The following ATRN variants were observed in gnomAD, a reference collection of about 807,000 sequenced individuals.
ATRN encodes the protein attractin, also known as attractin-2.
Under a neutral mutation model 178.7 loss-of-function variants are expected in ATRN, and 54 were observed. The observed-to-expected ratio is 0.30, with a 90% CI of 0.24 to 0.38. ATRN has a LOEUF of 0.38. ATRN is among the 10% of genes least tolerant of loss of function. The probability of loss-of-function intolerance (pLI) is 1.00; values close to 1 mark genes in which losing one functional copy is unlikely to be tolerated. For synonymous variants in ATRN, 636 were observed against 663.0 expected, an observed-to-expected ratio of 0.96 and a Z score of 0.63; for missense variants, 1,443 against 1,815.1, an observed-to-expected ratio of 0.79 and a Z score of 3.73.
intron 28 of ATRN, 128 bp downstream of exon 28, chr20:3,644,396 A>AGGC: frequency 1.2e-6 from 1 of 801,482 alleles, no homozygotes. Context: ...ATGCCATGGC[A>AGGC]AGGATTCAGT....
chr20:3,609,257 T>C (rs1318101887), intron 24 of ATRN, among the ~76,000 whole-genome samples: 1 of 152,198 alleles, frequency 6.6e-6, no homozygotes, highest in Non-Finnish European at 1.5e-5. Flanking sequence ...TGGTTAGATT[T>C]ATTCCTACGG....
chr20:3,591,423 T>G, intron 19 of ATRN, 117 bp downstream of exon 19: 1 of 1,276,402 alleles, frequency 7.8e-7, no homozygotes, highest in Non-Finnish European at 1.1e-6. Context: ...ACATTTCTTA[T>G]TAAATCATAC....
In ATRN at chr20:3,507,214, G is replaced by A. The variant is rs140423699; in HGVS notation, c.411-28039G>A. Among the ~76,000 whole-genome samples, 566 of 151,890 alleles carry A rather than the reference G, an allele frequency of 3.7e-3. 2 individuals are homozygous for A. The highest frequency in any genetic ancestry group is 0.013 in the African/African-American group (532 of 41,452). ...GAGGTCAGGAGTTCAAGATCAGCCT[G>A]GCCAAGATAGTGAAACCCTGTCTCT... On this transcript the variant is annotated intron_variant, in intron 1 of 28. Coordinates refer to ENST00000262919, the MANE Select transcript of ATRN (RefSeq NM_139321.3).
At chr20:3,635,142 C>T (rs2087016071) in intron 26 of ATRN, among the ~76,000 whole-genome samples, 1 of 151,602 alleles carries the variant, frequency 6.6e-6, no homozygotes, top group African/African-American at 2.4e-5. Flanking sequence ...TTCTCACTTA[C>T]AAGTGGGAAC....
chr20:3,494,941 T>C (rs1481804343), intron 1 of ATRN, among the ~76,000 whole-genome samples: 1 of 152,190 alleles, frequency 6.6e-6, no homozygotes, highest in Non-Finnish European at 1.5e-5. Flanking sequence ...TTTAAAAATA[T>C]GAGGGAGCCA....
intron 24 of ATRN, among the ~76,000 whole-genome samples, chr20:3,608,423 G>A (rs663111): frequency 0.055 from 8,411 of 152,124 alleles, 638 homozygotes; most frequent in African/African-American, 0.17. Flanking sequence ...TTTTCTGCAC[G>A]TGGATATCCA....
At chr20:3,514,490 C>T (rs1472664805) in intron 1 of ATRN, among the ~76,000 whole-genome samples, 1 of 152,088 alleles carries the variant, frequency 6.6e-6, no homozygotes, top group Non-Finnish European at 1.5e-5. Flanking sequence ...TAGTGAAATA[C>T]TGAGATAATC....
intron 6 of ATRN, among the ~76,000 whole-genome samples, chr20:3,555,026 G>A (rs1265348236): frequency 8.1e-6 from 1 of 123,962 alleles, no homozygotes; most frequent in Non-Finnish European, 1.6e-5. Flanking sequence ...TTTTTGAGAC[G>A]GAGTCTCGCT....
At chr20:3,492,854 G>GGCGC (rs144765964) in intron 1 of ATRN, among the ~76,000 whole-genome samples, 24,209 of 132,154 alleles carry the variant, frequency 0.18, 4,035 homozygotes, top group African/African-American at 0.49. Context: ...GAGAGAGAGA[G>GGCGC]GCGCGCGCGC....
At chr20:3,477,716 T>C (rs1227583670) in intron 1 of ATRN, among the ~76,000 whole-genome samples, 1 of 152,140 alleles carries the variant, frequency 6.6e-6, no homozygotes, top group African/African-American at 2.4e-5. Flanking sequence ...GTAAGTTCCA[T>C]GAGGGCAGGG....
At chr20:3,579,904 G>A (rs1445178030) in intron 15 of ATRN, among the ~76,000 whole-genome samples, 4 of 152,056 alleles carry the variant, frequency 2.6e-5, no homozygotes, top group Non-Finnish European at 5.9e-5. Context: ...CCACCTATAG[G>A]GCCATTCTGA....
chr20:3,508,223 A>G (rs1177091249), intron 1 of ATRN, among the ~76,000 whole-genome samples: 1 of 152,046 alleles, frequency 6.6e-6, no homozygotes, highest in Non-Finnish European at 1.5e-5. Context: ...AAAAAAAGCA[A>G]GGACAAGACT....
chr20:3,474,174 T>C lies in ATRN; in HGVS notation c.410+2657T>C, dbSNP rs56366997. 3.2e-3 allele frequency among the ~76,000 whole-genome samples: 487 copies of C among 152,222 alleles called. 1 individual carries two copies. Among genetic ancestry groups the C allele is most frequent in the African/African-American group, 0.011 (459 of 41,540 alleles). ...GCCCAGAGGATTGGATAAGAGCTAC[T>C]TGTTGCAGGGAACAGGCAGTCCTGA... On this transcript the variant is annotated intron_variant, in intron 1 of 28. Coordinates refer to ENST00000262919, the MANE Select transcript of ATRN (RefSeq NM_139321.3).
chr20:3,618,437 C>A (rs1434263514), intron 24 of ATRN, among the ~76,000 whole-genome samples: 1 of 152,216 alleles, frequency 6.6e-6, no homozygotes, highest in African/African-American at 2.4e-5. Context: ...GAGCAGGGAA[C>A]ATTGCTTTTC....
chr20:3,603,353 G>A (rs2086637557), intron 23 of ATRN, among the ~76,000 whole-genome samples: 1 of 152,146 alleles, frequency 6.6e-6, no homozygotes. Context: ...AAGTGGTGTG[G>A]GCAAAGTGAA....
chr20:3,542,333 GC>G (rs2085633843), intron 3 of ATRN, among the ~76,000 whole-genome samples: 1 of 152,160 alleles, frequency 6.6e-6, no homozygotes, highest in South Asian at 2.1e-4. Flanking sequence ...CTTATCAGGA[GC>G]CTTGTAGGAA....
intron 24 of ATRN, among the ~76,000 whole-genome samples, chr20:3,621,688 C>T (rs996875358): frequency 2.6e-5 from 4 of 151,920 alleles, no homozygotes; most frequent in Non-Finnish European, 5.9e-5. Context: ...GAAAGGCCCC[C>T]AAATCTATTT....
intron 19 of ATRN, among the ~76,000 whole-genome samples, chr20:3,593,357 C>T (rs1053268127): frequency 2.0e-5 from 3 of 152,106 alleles, no homozygotes; most frequent in South Asian, 4.1e-4. Flanking sequence ...CCTTAGGTAA[C>T]GATAGTAGCC....
chr20:3,511,108 G>A (rs2085120875), intron 1 of ATRN, among the ~76,000 whole-genome samples: 1 of 152,084 alleles, frequency 6.6e-6, no homozygotes, highest in African/African-American at 2.4e-5. Context: ...ACAGCTAATG[G>A]CATTCTGAGA....
Sources: allele counts gnomAD v4.1 joint callset (sites outside exome capture counted in the v4.1 genomes callset), GRCh38; gene constraint gnomAD v4.1.1; transcripts MANE v1.5; gene names NCBI Gene and HGNC (gene_info 2026-07-23, HGNC 2026-07-21).